The following DISP2 variants were observed in gnomAD, a reference collection of about 807,000 sequenced individuals.
The protein encoded by DISP2 is dispatched RND transporter family member 2, also known as protein dispatched homolog 2.
In DISP2, 59 loss-of-function variants were observed where a neutral mutation model predicts 95.5. That is an observed-to-expected ratio of 0.62 (90% confidence interval 0.50 to 0.77). DISP2 has a LOEUF of 0.77. Among genes scored for constraint, DISP2 ranks in the 30% least tolerant of loss-of-function variants. DISP2 has a pLI of 0.00. For missense variants in DISP2, 1,752 were observed against 1,854.6 expected, an observed-to-expected ratio of 0.94 and a Z score of 1.02; for synonymous variants, 827 against 815.0, an observed-to-expected ratio of 1.01 and a Z score of -0.25.
In DISP2 at chr15:40,363,839, G is replaced by A; in HGVS notation, c.334G>A (p.Gly112Arg). 1 of 1,611,272 alleles carries A rather than the reference G, an allele frequency of 6.2e-7. No homozygotes were observed. Among genetic ancestry groups the A allele is most frequent in the Non-Finnish European group, 8.5e-7 (1 of 1,178,150 alleles). ...YQGGSSLPGL[G>R]DRAALCSHGS... is the part of the protein sequence containing the mutation. ...GGGGGGCAGTTCCCTGCCAGGACTT[G>A]GGGATCGGGCAGCTCTCTGCTCCCA... The change falls in exon 2 of 8, where the codon GGG (glycine) becomes AGG (arginine). Residue 112 changes from glycine to arginine, a missense_variant. Physicochemically the swap from Gly to Arg is moderately radical, Grantham distance 125. Transcript: ENST00000267889.
rs756654435 is a variant in DISP2, at chr15:40,367,925, T to C, written c.1813T>C (p.Tyr605His). 2 of 1,594,414 alleles carry C rather than the reference T, an allele frequency of 1.3e-6. No homozygotes were observed. The highest frequency in any genetic ancestry group is 1.7e-6 in the Non-Finnish European group (2 of 1,177,988). The change falls in exon 8 of 8, where the codon TAT (tyrosine) becomes CAT (histidine). Residue 605 changes from tyrosine (Y) to histidine (H), a missense_variant. By Grantham distance (83) the Tyr-to-His change is moderately conservative (BLOSUM62 2). This residue lies in a region of DISP2 where 732 missense variants were observed against 714.6 expected (regional missense o/e 1.02). Transcript: ENST00000267889. Reference sequence around the variant, plus strand: ...CGGCCTCACCACGAGCGCGGCCTTCTATGCCAGCTACCTGAGCCGCCTGCC... The same window carrying C: ...CGGCCTCACCACGAGCGCGGCCTTCCATGCCAGCTACCTGAGCCGCCTGCC... The part of the protein sequence containing the change: ...VSGLTTSAAF[Y>H]ASYLSRLPAV...
At position 40,369,943 on chromosome 15, in the gene DISP2, T is replaced by C. The variant is rs79358468; in HGVS notation, c.3831T>C (p.Asp1277=). ...ACTCTCCTAAGGCCAAGGCTGCAGA[T>C]CCTCCTGATGGCTTCTGTTCCTCAG... ...PAHSPKAKAA[D]PPDGFCSSAS... The change falls in exon 8 of 8, where the codon GAT becomes GAC. Residue 1277 remains aspartate (D), a synonymous_variant. Coordinates refer to ENST00000267889, the MANE Select transcript of DISP2 (RefSeq NM_033510.3). 7 of 1,604,058 alleles carry C rather than the reference T, an allele frequency of 4.4e-6. No homozygotes were observed. Among genetic ancestry groups the C allele is most frequent in the Non-Finnish European group, 5.1e-6 (6 of 1,174,646 alleles).
chr15:40,368,310 C>A lies in DISP2; in HGVS notation c.2198C>A (p.Pro733Gln), dbSNP rs778913392. 2.4e-5 allele frequency: 39 copies of A among 1,604,170 alleles called. No individual in the cohort carries two copies. The highest frequency in any genetic ancestry group is 3.2e-5 in the Non-Finnish European group (38 of 1,176,826). The stretch of plus-strand genomic sequence containing the variant: ...CCCCGCCTGCGGCTGCCCACGCTGC[C>A]GCCGCCCGGCGGCCAGGTCTTCCGG... ...VSPRLRLPTLPPPGGQVFRPS... is the reference protein window; with the variant it reads ...VSPRLRLPTLQPPGGQVFRPS... Residue 733 changes from proline (P) to glutamine (Q), a missense_variant, in exon 8 of 8, where the codon CCG becomes CAG. Physicochemically the swap from Pro to Gln is moderately conservative, Grantham distance 76. This residue lies in a region of DISP2 where 732 missense variants were observed against 714.6 expected (regional missense o/e 1.02). Coordinates refer to ENST00000267889, the MANE Select transcript of DISP2 (RefSeq NM_033510.3).
rs575959248 is a variant in DISP2 at position 40,368,878 on chromosome 15, C to T, written c.2766C>T (p.Leu922=). 7 of 1,613,940 alleles carry T rather than the reference C, an allele frequency of 4.3e-6. No individual in the cohort carries two copies. Among genetic ancestry groups the T allele is most frequent in the Admixed American group, 1.7e-5 (1 of 60,016 alleles). Residue 922 remains leucine (L), a synonymous_variant, in exon 8 of 8, where the codon CTC becomes CTT. Transcript: ENST00000267889. ...GTCCGGACTACAACCAGACCCAGCT[C>T]TTCTACAATGAGGTCAGCCACTGGC... The part of the protein sequence containing the change: ...RNSPDYNQTQ[L]FYNEVSHWLA...
At position 40,376,085 on chromosome 15, in the gene DISP2, T is replaced by C. The variant is rs1889728573; in HGVS notation, c.*5767T>C. ...CCTGTGGCTCAGTTCTGTGCCTTCT[T>C]CATTTAAGAATTCAAATTCATTGAC... On this transcript the variant is annotated 3_prime_UTR_variant, in exon 8 of 8. Coordinates refer to ENST00000267889, the MANE Select transcript of DISP2 (RefSeq NM_033510.3). 6.6e-6 allele frequency: 1 copy of C among 152,154 alleles called. No individual in the cohort carries two copies. The highest frequency in any genetic ancestry group is 1.5e-5 in the Non-Finnish European group (1 of 68,018). The allele number at this position is 152,154 out of a possible 1,614,324, so 9.4% of individuals were successfully genotyped here.
chr15:40,367,525 C>T lies in DISP2; in HGVS notation c.1413C>T (p.Gly471=), dbSNP rs773259271. 8.1e-6 allele frequency: 13 copies of T among 1,613,836 alleles called. No homozygotes were observed. In the Admixed American group the frequency reaches 8.3e-5, roughly 10 times the overall value. The stretch of plus-strand genomic sequence containing the variant: ...CTGACAACTACACCTCTGTCACTGG[C>T]ATGGACCTGGGCCTCAAGCAGGAGC... ...GLADNYTSVT[G]MDLGLKQELL... The change falls in exon 8 of 8, where the codon GGC becomes GGT. Residue 471 remains glycine, a synonymous_variant. Transcript: ENST00000267889.
In DISP2 at chr15:40,378,416, G is replaced by A. The variant is rs1439543063; in HGVS notation, c.*8098G>A. The A allele has an allele frequency of 6.6e-6, 1 of 152,114 alleles. No individual in the cohort carries two copies. Among genetic ancestry groups the A allele is most frequent in the South Asian group, 2.1e-4 (1 of 4,828 alleles). The allele number at this position is 152,114 out of a possible 1,614,324, so 9.4% of individuals were successfully genotyped here. On this transcript the variant is annotated 3_prime_UTR_variant, in exon 8 of 8. Transcript: ENST00000267889. ...GACGGCTGTGTTTATTATCTTAATT[G>A]TGGTGATGGTTTCACAGGTATATGT... is the stretch of plus-strand genomic sequence containing the variant.
chr15:40,370,182 A>G lies in DISP2; in HGVS notation c.4070A>G (p.His1357Arg). 6.2e-7 allele frequency: 1 copy of G among 1,612,242 alleles called. No homozygotes were observed. Residue 1357 changes from histidine to arginine, a missense_variant, in exon 8 of 8, where the codon CAT (histidine) becomes CGT (arginine). This residue lies in a region of DISP2 where 347 missense variants were observed against 344.2 expected (regional missense o/e 1.01). Transcript: ENST00000267889. The part of the protein sequence containing the change: ...TVYDPSLPAS[H>R]HSSLSWKGRG... Reference sequence around the variant, plus strand: ...TATGACCCATCATTGCCCGCTTCCCATCACAGCAGCTTGTCCTGGAAGGGC... The same window carrying G: ...TATGACCCATCATTGCCCGCTTCCCGTCACAGCAGCTTGTCCTGGAAGGGC...
At position 40,368,392 on chromosome 15, in the gene DISP2, G is replaced by A. The variant is rs1409287062; in HGVS notation, c.2280G>A (p.Glu760=). The A allele has an allele frequency of 6.2e-7, 1 of 1,607,804 alleles. No homozygotes were observed. The highest frequency in any genetic ancestry group is 8.5e-7 in the Non-Finnish European group (1 of 1,179,764). The change falls in exon 8 of 8, where the codon GAG becomes GAA. Residue 760 remains glutamate, a synonymous_variant. Transcript: ENST00000267889. ...AGTATCGCCAGCTGTTCCTGTTCGA[G>A]CAGCTGCCGCAGGGCGAGGGCGGCC... The part of the protein sequence containing the change: ...DAEYRQLFLF[E]QLPQGEGGHM...
chr15:40,368,471 C>T lies in DISP2; in HGVS notation c.2359C>T (p.Leu787=). ...CCTGCCTGTGGACACTGGCGACCCT[C>T]TGGACCCTCGTAGCAACAGCAGCCT... ...GVLPVDTGDP[L]DPRSNSSLVR... Residue 787 remains leucine, a synonymous_variant, in exon 8 of 8, where the codon CTG becomes TTG. Transcript: ENST00000267889. 6.2e-7 allele frequency: 1 copy of T among 1,609,288 alleles called. No homozygotes were observed. The highest frequency in any genetic ancestry group is 8.5e-7 in the Non-Finnish European group (1 of 1,179,876).
rs1359033668 is a variant in DISP2 at position 40,368,063 on chromosome 15, G to A, written c.1951G>A (p.Gly651Ser). The change falls in exon 8 of 8, where the codon GGC becomes AGC. Residue 651 changes from glycine to serine, a missense_variant. Around this residue, in one of 5 missense-constraint regions of DISP2, gnomAD observed 732 missense variants for 714.6 expected, o/e 1.02. Transcript: ENST00000267889. ...AVLHERYLAR[G>S]CARRARGRWE... ...GCTCCACGAGCGCTACCTGGCGCGC[G>A]GCTGTGCGCGCCGGGCGCGGGGCCG... is the stretch of plus-strand genomic sequence containing the variant. 4.8e-6 allele frequency: 7 copies of A among 1,470,326 alleles called. No individual in the cohort carries two copies. Among genetic ancestry groups the A allele is most frequent in the Middle Eastern group, 2.3e-4 (1 of 4,398 alleles). 91.1% of individuals were successfully genotyped at this position (1,470,326 alleles called of 1,614,324 possible).
At position 40,365,706 on chromosome 15, in the gene DISP2, G is replaced by A. The variant is rs997173390; in HGVS notation, c.926G>A (p.Cys309Tyr). ...LWNLHAIHSM[C>Y]RMEQDQIRSH... is the part of the protein sequence containing the mutation. The stretch of plus-strand genomic sequence containing the variant: ...AACCTGCATGCCATCCATTCCATGT[G>A]TCGCATGGAACAGGACCAGGTGAGC... Residue 309 changes from cysteine (C) to tyrosine (Y), a missense_variant, in exon 7 of 8, where the codon TGT becomes TAT. Physicochemically the swap from Cys to Tyr is radical, Grantham distance 194. Coordinates refer to ENST00000267889, the MANE Select transcript of DISP2 (RefSeq NM_033510.3). 3.7e-6 allele frequency: 6 copies of A among 1,614,098 alleles called. No homozygotes were observed. Among genetic ancestry groups the A allele is most frequent in the Non-Finnish European group, 5.1e-6 (6 of 1,180,016 alleles).
At position 40,374,986 on chromosome 15, in the gene DISP2, T is replaced by A. The variant is rs1406645372; in HGVS notation, c.*4668T>A. The A allele has an allele frequency of 6.6e-6, 1 of 152,198 alleles. No homozygotes were observed. Among genetic ancestry groups the A allele is most frequent in the Non-Finnish European group, 1.5e-5 (1 of 68,040 alleles). The allele number at this position is 152,198 out of a possible 1,614,324, so 9.4% of individuals were successfully genotyped here. ...GTAATGGCAAGCTCTTGGGACCCCATGCCAAGCATCAAGATCCCATTTACC... is the reference window on the plus strand; with the variant it reads ...GTAATGGCAAGCTCTTGGGACCCCAAGCCAAGCATCAAGATCCCATTTACC... On this transcript the variant is annotated 3_prime_UTR_variant, in exon 8 of 8. Transcript: ENST00000267889.
In DISP2 at chr15:40,370,620, T is replaced by C; in HGVS notation, c.*302T>C. The stretch of plus-strand genomic sequence containing the variant: ...CTCTAGAAGTGGGGAAGGCCAGATG[T>C]GTAGCTTCGGGTATCAGAGGAGGCT... On this transcript the variant is annotated 3_prime_UTR_variant, in exon 8 of 8. Coordinates refer to ENST00000267889, the MANE Select transcript of DISP2 (RefSeq NM_033510.3). The C allele has an allele frequency of 1.7e-6, 1 of 595,472 alleles. No homozygotes were observed. 36.9% of individuals were successfully genotyped at this position (595,472 alleles called of 1,614,324 possible). A position where few individuals can be genotyped will look rare whatever the true frequency, so the allele number is the denominator to read the frequency against.
rs1267077519 is a variant in DISP2 at position 40,365,297 on chromosome 15, C to G, written c.847+23C>G. Reference sequence around the variant, plus strand: ...CTGGTAAGCTGCAGCCTGGCCAGTTCCTGGTTTTAATAGTGGTCCCCACCC... The same window carrying G: ...CTGGTAAGCTGCAGCCTGGCCAGTTGCTGGTTTTAATAGTGGTCCCCACCC... On this transcript the variant is annotated intron_variant, in intron 6 of 7. Transcript: ENST00000267889. The G allele has an allele frequency of 2.5e-6, 4 of 1,612,056 alleles. No individual in the cohort carries two copies. The East Asian group carries it at 8.9e-5, about 36-fold the overall frequency.
Position 40,376,857 on chromosome 15 carries a change from A to G in DISP2, c.*6539A>G, listed in dbSNP as rs1046515071. 9.8e-5 allele frequency: 15 copies of G among 152,344 alleles called. No individual in the cohort carries two copies. The highest frequency in any genetic ancestry group is 6.5e-4 in the Admixed American group (10 of 15,296). 9.4% of individuals were successfully genotyped at this position (152,344 alleles called of 1,614,324 possible). On this transcript the variant is annotated 3_prime_UTR_variant, in exon 8 of 8. Coordinates refer to ENST00000267889, the MANE Select transcript of DISP2 (RefSeq NM_033510.3). ...CTGAAAGTGAGATGGTTGACACAGG[A>G]TACATATTAACCACATTGATTTGAA...
chr15:40,358,328 G>A lies in DISP2; in HGVS notation c.7G>A (p.Gly3Ser), dbSNP rs905432053. 174 of 1,384,234 alleles carry A rather than the reference G, an allele frequency of 1.3e-4. No homozygotes were observed. In the African/African-American group the frequency reaches 2.5e-3, roughly 20 times the overall value. 85.7% of individuals were successfully genotyped at this position (1,384,234 alleles called of 1,614,324 possible). Residue 3 changes from glycine (G) to serine (S), a missense_variant, in exon 1 of 8, where the codon GGT (glycine) becomes AGT (serine). Physicochemically the swap from Gly to Ser is moderately conservative, Grantham distance 56. Around this residue, in one of 5 missense-constraint regions of DISP2, gnomAD observed 342 missense variants for 364.3 expected, o/e 0.94. Transcript: ENST00000267889. MDGDSSSSSGGSG... is the reference protein window; with the variant it reads MDSDSSSSSGGSG... ...AGCGGTGCCGCCCACGGGCATGGAC[G>A]GTGACAGCAGCAGCAGCAGCGGCGG...
rs750097742 is a variant in DISP2, at chr15:40,369,873, G to C, written c.3761G>C (p.Gly1254Ala). Residue 1254 changes from glycine to alanine, a missense_variant, in exon 8 of 8, where the codon GGG becomes GCG. Transcript: ENST00000267889. ...PKTRARQDSQ[G>A]EEAEPLPASP... ...ACCCGGGCCAGGCAGGACTCCCAAG[G>C]GGAGGAGGCTGAGCCCCTGCCAGCC... 1.3e-5 allele frequency: 20 copies of C among 1,566,816 alleles called. No homozygotes were observed. The Middle Eastern group carries it at 8.6e-4, about 67-fold the overall frequency.
Position 40,367,268 on chromosome 15 carries a change from G to C in DISP2, c.1156G>C (p.Gly386Arg), listed in dbSNP as rs143772056. The C allele has an allele frequency of 1.1e-4, 184 of 1,613,688 alleles. No individual in the cohort carries two copies. Among genetic ancestry groups the C allele is most frequent in the Non-Finnish European group, 1.4e-4 (161 of 1,179,970 alleles). Residue 386 changes from glycine to arginine, a missense_variant, in exon 8 of 8, where the codon GGA becomes CGA. This residue lies in a region of DISP2 where 732 missense variants were observed against 714.6 expected (regional missense o/e 1.02). Coordinates refer to ENST00000267889, the MANE Select transcript of DISP2 (RefSeq NM_033510.3). ...TGGCGCCTTGGTGCCCTCTTGTCTG[G>C]GACCTGGGCAGAACAAGTCCCCACG... ...HSGALVPSCL[G>R]PGQNKSPRCA...
Sources: allele counts gnomAD v4.1 joint callset, GRCh38; gene constraint gnomAD v4.1.1; regional missense constraint gnomAD v4.1.1; transcripts MANE v1.5; gene names NCBI Gene and HGNC (gene_info 2026-07-23, HGNC 2026-07-21).